The following KCNB2 variants were observed in gnomAD, a reference collection of about 807,000 sequenced individuals.
The protein encoded by KCNB2 is delayed rectifier potassium channel protein.
KCNB2 carries 15 observed loss-of-function variants against 61.5 expected under a neutral mutation model. That is an observed-to-expected ratio of 0.24 (90% CI 0.16 to 0.38). KCNB2 has a LOEUF of 0.38. Among genes scored for constraint, KCNB2 ranks in the 10% least tolerant of loss-of-function variants. The probability of loss-of-function intolerance (pLI) is 1.00; values close to 1 mark genes in which losing one functional copy is unlikely to be tolerated. For missense variants in KCNB2, 828 were observed against 1,125.2 expected, an observed-to-expected ratio of 0.74 and a Z score of 3.78; for synonymous variants, 457 against 446.0, an observed-to-expected ratio of 1.02 and a Z score of -0.31.
intron 2 of KCNB2, among the ~76,000 whole-genome samples, chr8:72,705,328 T>A (rs762612984): frequency 1.3e-5 from 2 of 152,230 alleles, no homozygotes; most frequent in Non-Finnish European, 2.9e-5. Context: ...CCCACCTAGT[T>A]ATCTTGTCCT....
At chr8:72,627,960 T>C (rs1805817050) in intron 2 of KCNB2, among the ~76,000 whole-genome samples, 1 of 152,042 alleles carries the variant, frequency 6.6e-6, no homozygotes. Flanking sequence ...TGGCTTTTTG[T>C]TTTTTTTCTT....
chr8:72,771,455 A>T (rs1312350303), intron 2 of KCNB2, among the ~76,000 whole-genome samples: 1 of 152,208 alleles, frequency 6.6e-6, no homozygotes, highest in Non-Finnish European at 1.5e-5. Context: ...GGAGCTGATT[A>T]TTCTCTGGAT....
In KCNB2 at chr8:72,882,520, TGAGA is replaced by T. The variant is rs147239924; in HGVS notation, c.580-53382_580-53379del. 5.5e-3 allele frequency among the ~76,000 whole-genome samples: 640 copies of T among 115,452 alleles called. 6 individuals carry two copies. The highest frequency in any genetic ancestry group is 0.017 in the Middle Eastern group (4 of 230). 75.7% of individuals were successfully genotyped at this position (115,452 alleles called of 152,430 possible). A position where few individuals can be genotyped will look rare whatever the true frequency, so the allele number is the denominator to read the frequency against. On this transcript the variant is annotated intron_variant, in intron 2 of 2. Coordinates refer to ENST00000523207, the MANE Select transcript of KCNB2 (RefSeq NM_004770.3). ...TTTGACCATGCCAACTGCTGACAGT[TGAGA>T]GAGAGAGAGAGAGAGAGAGAGAGAG...
chr8:72,897,624 C>T (rs1806603745), intron 2 of KCNB2, among the ~76,000 whole-genome samples: 1 of 152,114 alleles, frequency 6.6e-6, no homozygotes, highest in Non-Finnish European at 1.5e-5. Context: ...AAAACTGAAG[C>T]TTAGGGTTTG....
chr8:72,592,655 A>G (rs529335351), intron 2 of KCNB2, among the ~76,000 whole-genome samples: 1 of 152,258 alleles, frequency 6.6e-6, no homozygotes, highest in African/African-American at 2.4e-5. Context: ...TGCAATTTAC[A>G]CATTTCCTTT....
intron 2 of KCNB2, among the ~76,000 whole-genome samples, chr8:72,721,223 G>T (rs988179824): frequency 6.6e-6 from 1 of 152,170 alleles, no homozygotes; most frequent in African/African-American, 2.4e-5. Flanking sequence ...TACTGCTATT[G>T]CTATGACACA....
chr8:72,907,432 GGAGGAA>G (rs1168625270), intron 2 of KCNB2, among the ~76,000 whole-genome samples: 63 of 152,158 alleles, frequency 4.1e-4, no homozygotes, highest in South Asian at 3.7e-3. Flanking sequence ...AGAAGGAGGA[GGAGGAA>G]GAGGAAGAGG....
rs750453187 is a variant in KCNB2, at chr8:72,568,139, C to A, written c.405C>A (p.Ser135=). ...GGATTGATGAGATCTACTTGGAGTC[C>A]TGCTGCCAGGCCAGATATCATCAAA... ...YWGIDEIYLE[S]CCQARYHQKK... Residue 135 remains serine (S), a synonymous_variant, in exon 2 of 3, where the codon TCC becomes TCA. Transcript: ENST00000523207. 6.8e-6 allele frequency: 11 copies of A among 1,614,010 alleles called. No individual in the cohort carries two copies. The highest frequency in any genetic ancestry group is 1.7e-4 in the Middle Eastern group (1 of 6,060).
At chr8:72,804,390 T>A (rs1056927497) in intron 2 of KCNB2, among the ~76,000 whole-genome samples, 1 of 152,004 alleles carries the variant, frequency 6.6e-6, no homozygotes, top group Non-Finnish European at 1.5e-5. Flanking sequence ...TTATAAAGTA[T>A]CATCAGGATA....
chr8:72,917,417 AT>A (rs1458950064), intron 2 of KCNB2, among the ~76,000 whole-genome samples: 1 of 152,244 alleles, frequency 6.6e-6, no homozygotes, highest in Non-Finnish European at 1.5e-5. Flanking sequence ...GACAATATGA[AT>A]AATAGAGAAT....
At chr8:72,636,757 C>T (rs1311040429) in intron 2 of KCNB2, among the ~76,000 whole-genome samples, 1 of 152,096 alleles carries the variant, frequency 6.6e-6, no homozygotes, top group African/African-American at 2.4e-5. Context: ...TCTCTTAGAG[C>T]AATTTTTGTC....
intron 2 of KCNB2, among the ~76,000 whole-genome samples, chr8:72,593,455 G>A (rs1807132254): frequency 6.6e-6 from 1 of 152,236 alleles, no homozygotes; most frequent in Non-Finnish European, 1.5e-5. Flanking sequence ...TGACAATTCA[G>A]TGAGAGAAAA....
At chr8:72,831,606 G>A (rs1050841885) in intron 2 of KCNB2, among the ~76,000 whole-genome samples, 3 of 152,272 alleles carry the variant, frequency 2.0e-5, no homozygotes, top group Non-Finnish European at 2.9e-5. Flanking sequence ...ATATCAAAAG[G>A]TTATCAAACT....
intron 2 of KCNB2, among the ~76,000 whole-genome samples, chr8:72,843,293 C>T (rs1563401686): frequency 6.6e-6 from 1 of 152,150 alleles, no homozygotes; most frequent in Non-Finnish European, 1.5e-5. Context: ...GTACTGTGGT[C>T]TGAGAGACTG....
intron 2 of KCNB2, among the ~76,000 whole-genome samples, chr8:72,768,338 C>A (rs1488458553): frequency 2.0e-5 from 3 of 151,952 alleles, no homozygotes; most frequent in Non-Finnish European, 4.4e-5. Context: ...CATTGCCCAG[C>A]TAATTTTTGT....
intron 2 of KCNB2, among the ~76,000 whole-genome samples, chr8:72,780,943 G>A (rs576110748): frequency 6.6e-6 from 1 of 152,194 alleles, no homozygotes; most frequent in East Asian, 1.9e-4. Flanking sequence ...GTATCTCATT[G>A]TGGTTTTGAT....
intron 2 of KCNB2, among the ~76,000 whole-genome samples, chr8:72,760,189 A>G (rs1808354179): frequency 6.6e-6 from 1 of 152,210 alleles, no homozygotes; most frequent in African/African-American, 2.4e-5. Flanking sequence ...GGTGAACCTC[A>G]GCCTCAGCAC....
At chr8:72,918,756 A>T (rs903016983) in intron 2 of KCNB2, among the ~76,000 whole-genome samples, 10 of 152,234 alleles carry the variant, frequency 6.6e-5, no homozygotes, top group Non-Finnish European at 5.9e-5. Flanking sequence ...CCTAGAGGCC[A>T]TTTAATGTGG....
chr8:72,734,409 T>C (rs1317015694), intron 2 of KCNB2, among the ~76,000 whole-genome samples: 1 of 152,234 alleles, frequency 6.6e-6, no homozygotes, highest in Non-Finnish European at 1.5e-5. Context: ...CCAAAGAGCA[T>C]GTATATGAAG....
Sources: gnomAD v4.1 joint callset for allele counts (sites outside exome capture counted in the v4.1 genomes callset) on GRCh38, gnomAD v4.1.1 for gene constraint, MANE v1.5 for transcripts, NCBI Gene and HGNC (gene_info 2026-07-23, HGNC 2026-07-21) for gene names.